Variants in XKR6 observed in about 807,000 individuals in gnomAD.
XKR6 encodes XK related 6, also known as XK-related protein 6.
A neutral mutation model predicts 56.7 loss-of-function variants in XKR6; 22 were observed. The observed-to-expected ratio is 0.39, with a 90% CI of 0.28 to 0.55. The LOEUF is 0.55. XKR6 is among the 20% of genes least tolerant of loss of function. The pLI, the probability that XKR6 is intolerant of heterozygous loss-of-function variation, is 0.66. For synonymous variants in XKR6, 524 were observed against 387.8 expected, an observed-to-expected ratio of 1.35 and a Z score of -4.13; for missense variants, 852 against 889.0, an observed-to-expected ratio of 0.96 and a Z score of 0.53.
chr8:11,078,053 G>A (rs1800321338), intron 1 of XKR6, among the ~76,000 whole-genome samples: 1 of 152,146 alleles, frequency 6.6e-6, no homozygotes, highest in Admixed American at 6.5e-5. Context: ...AACCACTTCC[G>A]ACAGTGGCGC....
At chr8:11,052,287 C>T (rs1208342292) in intron 1 of XKR6, among the ~76,000 whole-genome samples, 1 of 152,144 alleles carries the variant, frequency 6.6e-6, no homozygotes, top group Non-Finnish European at 1.5e-5. Flanking sequence ...CCCTTGACTC[C>T]CGAATCTAAA....
At chr8:11,086,037 G>A (rs1283477109) in intron 1 of XKR6, among the ~76,000 whole-genome samples, 2 of 151,742 alleles carry the variant, frequency 1.3e-5, no homozygotes, top group Non-Finnish European at 2.9e-5. Context: ...CAGGGGGCCC[G>A]AGTGCCCCGG....
intron 1 of XKR6, among the ~76,000 whole-genome samples, chr8:10,962,995 C>A (rs567533877): frequency 6.6e-6 from 1 of 152,314 alleles, no homozygotes; most frequent in African/African-American, 2.4e-5. Flanking sequence ...TAGTGACTAT[C>A]TTTTGAGCCT....
intron 1 of XKR6, chr8:11,128,952 A>C (rs1047511184): frequency 4.4e-6 from 2 of 456,556 alleles, no homozygotes; most frequent in Non-Finnish European, 4.4e-6. Context: ...GCAGCCAGAA[A>C]GTCTTTTTTT....
chr8:10,939,198 A>G (rs752945411), intron 1 of XKR6, among the ~76,000 whole-genome samples: 3 of 152,180 alleles, frequency 2.0e-5, no homozygotes, highest in African/African-American at 4.8e-5. Flanking sequence ...GCTCCCCAGT[A>G]AACAGCTGAC....
intron 1 of XKR6, among the ~76,000 whole-genome samples, chr8:11,103,570 T>C (rs571166720): frequency 2.0e-5 from 3 of 152,204 alleles, no homozygotes; most frequent in Non-Finnish European, 4.4e-5. Context: ...GATGTGGGTT[T>C]CTAAGGTCAA....
intron 1 of XKR6, chr8:11,114,166 A>G (rs1369217156): frequency 5.3e-6 from 2 of 379,908 alleles, no homozygotes; most frequent in Admixed American, 7.9e-5. Flanking sequence ...AAAATATAAA[A>G]TATTAGAAGC....
chr8:11,041,419 G>A (rs1030776332), intron 1 of XKR6, among the ~76,000 whole-genome samples: 1 of 152,102 alleles, frequency 6.6e-6, no homozygotes, highest in African/African-American at 2.4e-5. Context: ...AGCTGGGCGT[G>A]GTGGTGCGTG....
chr8:11,174,077 C>A (rs1002844971), intron 1 of XKR6, among the ~76,000 whole-genome samples: 2 of 152,210 alleles, frequency 1.3e-5, no homozygotes, highest in African/African-American at 4.8e-5. Context: ...ATAAAACCAC[C>A]ACTGATCAGG....
intron 1 of XKR6, among the ~76,000 whole-genome samples, chr8:11,060,715 C>T (rs1563110716): frequency 6.6e-6 from 1 of 152,192 alleles, no homozygotes; most frequent in South Asian, 2.1e-4. Flanking sequence ...GCCTACTAGG[C>T]GCCAAATGCT....
At chr8:10,967,783 C>T (rs1802270632) in intron 1 of XKR6, among the ~76,000 whole-genome samples, 1 of 152,182 alleles carries the variant, frequency 6.6e-6, no homozygotes, top group South Asian at 2.1e-4. Context: ...ATTTGTTTTC[C>T]AGGAGGCTCC....
intron 1 of XKR6, among the ~76,000 whole-genome samples, chr8:11,133,149 A>G (rs1371972961): frequency 6.6e-6 from 1 of 152,166 alleles, no homozygotes; most frequent in East Asian, 1.9e-4. Flanking sequence ...GGTACGAGGA[A>G]TTGAAACCTA....
intron 1 of XKR6, among the ~76,000 whole-genome samples, chr8:11,143,581 T>C (rs1483284791): frequency 6.6e-6 from 1 of 152,102 alleles, no homozygotes; most frequent in Non-Finnish European, 1.5e-5. Flanking sequence ...CAAAACCAAA[T>C]TATTTAGTGT....
At chr8:10,916,721 GAAGT>G (rs367892211) in intron 2 of XKR6, among the ~76,000 whole-genome samples, 1,841 of 152,352 alleles carry the variant, frequency 0.012, 15 homozygotes, top group Non-Finnish European at 0.017. Context: ...GGGAAAAAAA[GAAGT>G]AAGTGCTTGC....
chr8:10,904,335 T>C (rs181071171), intron 2 of XKR6, among the ~76,000 whole-genome samples: 2 of 152,186 alleles, frequency 1.3e-5, no homozygotes, highest in African/African-American at 2.4e-5. Context: ...AGAAAGGGCC[T>C]TTGGGCTCTG....
intron 1 of XKR6, among the ~76,000 whole-genome samples, chr8:11,181,267 TATG>T (rs1802964324): frequency 1.3e-5 from 2 of 152,332 alleles, no homozygotes; most frequent in Non-Finnish European, 2.9e-5. Flanking sequence ...CTTACATATG[TATG>T]ATATTTCATA....
intron 1 of XKR6, among the ~76,000 whole-genome samples, chr8:11,070,034 G>A (rs2129166710): frequency 6.6e-6 from 1 of 152,294 alleles, no homozygotes; most frequent in Non-Finnish European, 1.5e-5. Context: ...CTGAAGTTGA[G>A]CCATGAATTA....
chr8:11,036,774 A>G (rs1799155026), intron 1 of XKR6, among the ~76,000 whole-genome samples: 1 of 152,334 alleles, frequency 6.6e-6, no homozygotes, highest in South Asian at 2.1e-4. Context: ...TAAGTTATAT[A>G]CCAAATTTTA....
At chr8:11,032,156 T>A (rs1386975779) in intron 1 of XKR6, among the ~76,000 whole-genome samples, 3 of 152,330 alleles carry the variant, frequency 2.0e-5, no homozygotes, top group Non-Finnish European at 4.4e-5. Context: ...CATCTAGTTT[T>A]TCTTCTGCTT....
Sources: gnomAD v4.1 joint callset for allele counts (sites outside exome capture counted in the v4.1 genomes callset) on GRCh38, gnomAD v4.1.1 for gene constraint, MANE v1.5 for transcripts, NCBI Gene and HGNC (gene_info 2026-07-23, HGNC 2026-07-21) for gene names.